TBL1XR1: variants seen among roughly 807,000 people sequenced by gnomAD.
TBL1XR1 encodes TBL1X/Y related 1.
In TBL1XR1, 5 loss-of-function variants were observed where a neutral mutation model predicts 66.9. The ratio of observed to expected loss-of-function variants is 0.07; its 90% CI spans 0.04 to 0.16. The LOEUF is 0.16. Ranked by LOEUF, TBL1XR1 falls within the 10% of genes least tolerant of loss-of-function variation. TBL1XR1 has a pLI of 1.00. For synonymous variants in TBL1XR1, 210 were observed against 206.0 expected (o/e 1.02, Z -0.17); for missense variants, 238 against 623.2 (o/e 0.38, Z 6.58).
chr3:177,052,772 A>T (rs1717268910), intron 4 of TBL1XR1, among the ~76,000 whole-genome samples: 1 of 152,182 alleles, frequency 6.6e-6, no homozygotes, highest in Non-Finnish European at 1.5e-5. Context: ...TAATCTCTGA[A>T]ATAGAAGTAA....
intron 13 of TBL1XR1, 67 bp downstream of exon 13, chr3:177,034,131 T>C (rs1714419384): frequency 2.7e-6 from 4 of 1,489,636 alleles, no homozygotes; most frequent in Non-Finnish European, 3.6e-6. Context: ...CCTAAACTTC[T>C]GTCATATCTA....
chr3:177,172,613 C>G (rs574818627), intron 1 of TBL1XR1, among the ~76,000 whole-genome samples: 1 of 131,888 alleles, frequency 7.6e-6, no homozygotes, highest in South Asian at 2.4e-4. Flanking sequence ...AAGGCAAGAC[C>G]CTCATCTCAA....
rs577823271 is a variant in TBL1XR1, at chr3:177,184,064, A to G, written c.-122+13057T>C. On this transcript the variant is annotated intron_variant, in intron 1 of 15. Transcript: ENST00000457928. ...CAGTGCAGCACAATTCTGTGCACCA[A>G]AACAGGTGCTCCCTTTCTCTGAGGT... Among the ~76,000 whole-genome samples, 6 of 152,278 alleles carry G rather than the reference A, an allele frequency of 3.9e-5. No homozygotes were observed. The South Asian group carries it at 1.2e-3, about 32-fold the overall frequency.
At chr3:177,159,407 T>C (rs937035301) in intron 1 of TBL1XR1, among the ~76,000 whole-genome samples, 3 of 152,184 alleles carry the variant, frequency 2.0e-5, no homozygotes, top group African/African-American at 7.2e-5. Context: ...TCAATGCTGT[T>C]GTGAGAACTG....
chr3:177,074,909 C>T (rs1418145674), intron 2 of TBL1XR1, among the ~76,000 whole-genome samples: 1 of 152,148 alleles, frequency 6.6e-6, no homozygotes, highest in Non-Finnish European at 1.5e-5. Flanking sequence ...CCATGCACAA[C>T]ACGGTTTAGG....
intron 1 of TBL1XR1, among the ~76,000 whole-genome samples, chr3:177,153,609 C>CA (rs773575724): frequency 1.3e-4 from 20 of 152,018 alleles, no homozygotes; most frequent in Non-Finnish European, 2.1e-4. Context: ...CAATAAAGGC[C>CA]AGGCGCGGTG....
At chr3:177,108,941 C>A (rs550525139) in intron 1 of TBL1XR1, among the ~76,000 whole-genome samples, 4 of 152,196 alleles carry the variant, frequency 2.6e-5, no homozygotes, top group African/African-American at 9.6e-5. Context: ...AAATGTTATG[C>A]CCATCTTAAA....
chr3:177,052,247 AAGCTCTACTT>A (rs1717193238), intron 4 of TBL1XR1, among the ~76,000 whole-genome samples: 1 of 152,226 alleles, frequency 6.6e-6, no homozygotes, highest in African/African-American at 2.4e-5. Context: ...AAAATTTCCA[AAGCTCTACTT>A]ATTGATATTA....
chr3:177,122,632 G>A (rs998563277), intron 1 of TBL1XR1, among the ~76,000 whole-genome samples: 4 of 152,140 alleles, frequency 2.6e-5, no homozygotes, highest in African/African-American at 9.7e-5. Context: ...AAAGTCGAGT[G>A]TGAGGAAAAG....
chr3:177,170,546 T>C (rs1367133012), intron 1 of TBL1XR1, among the ~76,000 whole-genome samples: 2 of 152,162 alleles, frequency 1.3e-5, no homozygotes, highest in Non-Finnish European at 2.9e-5. Context: ...GCACAGTGCC[T>C]GGAGCATAAT....
intron 1 of TBL1XR1, among the ~76,000 whole-genome samples, chr3:177,162,251 TG>T (rs1732303806): frequency 6.6e-6 from 1 of 152,184 alleles, no homozygotes. Flanking sequence ...AAGAAACTAC[TG>T]CTTGATACAA....
intron 1 of TBL1XR1, among the ~76,000 whole-genome samples, chr3:177,158,804 A>T (rs1731827164): frequency 6.6e-6 from 1 of 152,140 alleles, no homozygotes; most frequent in African/African-American, 2.4e-5. Context: ...AAGGCTATAT[A>T]AACCCAAGAA....
At chr3:177,094,016 G>C (rs766432480) in intron 2 of TBL1XR1, among the ~76,000 whole-genome samples, 1 of 151,954 alleles carries the variant, frequency 6.6e-6, no homozygotes, top group African/African-American at 2.4e-5. Flanking sequence ...ATAGCAAAAG[G>C]AACAATCAGC....
chr3:177,140,020 C>A (rs775974805), intron 1 of TBL1XR1, among the ~76,000 whole-genome samples: 1 of 152,012 alleles, frequency 6.6e-6, no homozygotes, highest in Non-Finnish European at 1.5e-5. Context: ...TACCTTGAAA[C>A]AGCCAGGTGC....
intron 1 of TBL1XR1, among the ~76,000 whole-genome samples, chr3:177,194,661 A>G (rs1736595133): frequency 6.6e-6 from 1 of 151,536 alleles, no homozygotes; most frequent in African/African-American, 2.4e-5. Flanking sequence ...CTATTAATAC[A>G]TTTCCTTTTA....
rs985633228 is a variant in TBL1XR1, at chr3:177,140,178, G to A, written c.-121-41637C>T. On this transcript the variant is annotated intron_variant, in intron 1 of 15. Coordinates refer to ENST00000457928, the MANE Select transcript of TBL1XR1 (RefSeq NM_024665.7). ...TAGCTGGGCGTGGTGGCACACACCTGTAGTCCCAGGCACTCGGGAGGCTGA... is the reference window on the plus strand; with the variant it reads ...TAGCTGGGCGTGGTGGCACACACCTATAGTCCCAGGCACTCGGGAGGCTGA... 2.0e-5 allele frequency among the ~76,000 whole-genome samples: 3 copies of A among 152,208 alleles called. No individual in the cohort carries two copies. In the South Asian group the frequency reaches 6.2e-4, roughly 32 times the overall value.
chr3:177,143,151 A>G (rs1442057626), intron 1 of TBL1XR1, among the ~76,000 whole-genome samples: 1 of 151,480 alleles, frequency 6.6e-6, no homozygotes, highest in Non-Finnish European at 1.5e-5. Flanking sequence ...AGTGCTGTTG[A>G]CTCTAAATGC....
Position 177,070,249 on chromosome 3 carries a change from CCA to C in TBL1XR1, c.-45-5229_-45-5228del, listed in dbSNP as rs539379202. Among the ~76,000 whole-genome samples the C allele has an allele frequency of 1.8e-4, 27 of 152,158 alleles. 1 individual carries two copies. In the South Asian group the frequency reaches 5.0e-3, roughly 28 times the overall value. ...GACCTCTGATGAGCTGCCTCATTGC[CCA>C]CAGACATTGACTTCAACTTCCTAAA... On this transcript the variant is annotated intron_variant, in intron 2 of 15. Transcript: ENST00000457928.
chr3:177,082,738 T>TTTTATATATAAATATATATATATATATA (rs1450061640), intron 2 of TBL1XR1, among the ~76,000 whole-genome samples: 1 of 63,234 alleles, frequency 1.6e-5, no homozygotes, highest in African/African-American at 6.4e-5. Context: ...AAGATAGAGA[T>TTTTATATATAAATATATATATATATATA]TATATATATA....
Sources: gnomAD v4.1 joint callset for allele counts (sites outside exome capture counted in the v4.1 genomes callset) on GRCh38, gnomAD v4.1.1 for gene constraint, MANE v1.5 for transcripts, NCBI Gene and HGNC (gene_info 2026-07-23, HGNC 2026-07-21) for gene names.